The following MED13 variants were observed in gnomAD, a reference collection of about 807,000 sequenced individuals.
The protein encoded by MED13 is mediator complex subunit 13.
MED13 carries 23 observed loss-of-function variants against 225.2 expected under a neutral mutation model. That is an observed-to-expected ratio of 0.10 (90% confidence interval 0.07 to 0.14). MED13 has a LOEUF of 0.14. Among genes scored for constraint, MED13 ranks in the 10% least tolerant of loss-of-function variants. MED13 has a pLI of 1.00. For synonymous variants in MED13, 942 were observed against 889.2 expected (o/e 1.06, Z -1.06); for missense variants, 2,197 against 2,594.5 (o/e 0.85, Z 3.33).
intron 8 of MED13, among the ~76,000 whole-genome samples, chr17:62,015,917 T>C (rs187838158): frequency 0.32 from 1,529 of 4,850 alleles, 121 homozygotes; most frequent in South Asian, 0.49. Context: ...ACTATACACA[T>C]ATATATATAT....
In MED13 at chr17:61,984,769, C is replaced by T; in HGVS notation, c.2573G>A (p.Gly858Asp). ...TCCTCCAGGTGTTGTATCCATACTA[C>T]CATATTCTTTATTATTCATATTCAT... ...SPMNMNNKEY[G>D]SMDTTPGGTV... The change falls in exon 14 of 30, where the codon GGT (glycine) becomes GAT (aspartate). Residue 858 changes from glycine to aspartate, a missense_variant. Gly to Asp is a moderately conservative substitution (Grantham distance 94). This residue lies in a region of MED13 where 160 missense variants were observed against 184.8 expected (regional missense o/e 0.87). Transcript: ENST00000397786. The T allele has an allele frequency of 6.2e-7, 1 of 1,613,340 alleles. No homozygotes were observed. The highest frequency in any genetic ancestry group is 8.5e-7 in the Non-Finnish European group (1 of 1,179,318).
intron 17 of MED13, among the ~76,000 whole-genome samples, chr17:61,972,170 G>A (rs865807835): frequency 9.2e-5 from 14 of 151,934 alleles, no homozygotes; most frequent in African/African-American, 3.1e-4. Context: ...CTCCAATTAC[G>A]GCCCACCTTT....
intron 6 of MED13, chr17:62,030,380 G>C (rs2080743667): frequency 6.2e-6 from 1 of 160,884 alleles, no homozygotes; most frequent in Non-Finnish European, 1.4e-5. Flanking sequence ...ATCAAGGTCA[G>C]AGGCTGGCCA....
At position 62,035,569 on chromosome 17, in the gene MED13, T is replaced by G. The variant is rs2080795311; in HGVS notation, c.510A>C (p.Gly170=). Residue 170 remains glycine (G), a synonymous_variant, in exon 4 of 30, where the codon GGA becomes GGC. Transcript: ENST00000397786. ...CCACACTGGTACAAACATTGCTGTC[T>G]CCATGCAAGAAAAAGGTGAAGGAGC... is the stretch of plus-strand genomic sequence containing the variant. ...LSCSFTFFLH[G]DSNVCTSVEI... The G allele has an allele frequency of 6.2e-7, 1 of 1,613,688 alleles. No individual in the cohort carries two copies. The highest frequency in any genetic ancestry group is 1.7e-4 in the Middle Eastern group (1 of 6,008).
At chr17:61,957,966 G>A (rs2079962961) in intron 23 of MED13, among the ~76,000 whole-genome samples, 2 of 152,032 alleles carry the variant, frequency 1.3e-5, no homozygotes, top group African/African-American at 4.8e-5. Context: ...CTGATTTCAC[G>A]CCATTCTCCT....
rs774440250 is a variant in MED13 at position 62,029,940 on chromosome 17, G to A, written c.1083C>T (p.Ser361=). The A allele has an allele frequency of 6.2e-7, 1 of 1,613,866 alleles. No homozygotes were observed. The highest frequency in any genetic ancestry group is 1.7e-5 in the Admixed American group (1 of 59,930). ...TTCTGGGTATTTTCCCACCATGGTG[G>A]CTAGTACTATCGGAGTTGAAGCCAT... ...VSDGFNSDST[S]HHGGKIPRKL... is the part of the protein sequence containing the mutation. Residue 361 remains serine (S), a synonymous_variant, in exon 7 of 30, where the codon AGC becomes AGT. Coordinates refer to ENST00000397786, the MANE Select transcript of MED13 (RefSeq NM_005121.3).
At chr17:62,027,053 A>C (rs769258142) in intron 8 of MED13, among the ~76,000 whole-genome samples, 7 of 152,306 alleles carry the variant, frequency 4.6e-5, no homozygotes, top group Admixed American at 1.3e-4. Context: ...TCAAACTACC[A>C]ATGACATTCT....
intron 14 of MED13, 54 bp downstream of exon 14, chr17:61,984,597 A>G: frequency 6.9e-7 from 1 of 1,457,528 alleles, no homozygotes; most frequent in Non-Finnish European, 9.3e-7. Context: ...CAACAAATTA[A>G]TTCTATAAGA....
chr17:61,966,661 T>C lies in MED13; in HGVS notation c.4192-10A>G, dbSNP rs1040439052. 1.3e-6 allele frequency: 2 copies of C among 1,547,986 alleles called. No individual in the cohort carries two copies. Among genetic ancestry groups the C allele is most frequent in the Admixed American group, 2.1e-5 (1 of 46,784 alleles). ...GACCTAATCGACAGGACTACAAATATACATACAGAAAGCAGAATTAGTAAA... is the reference window on the plus strand; with the variant it reads ...GACCTAATCGACAGGACTACAAATACACATACAGAAAGCAGAATTAGTAAA... On this transcript the variant is annotated splice_polypyrimidine_tract_variant and intron_variant, in intron 18 of 29. Coordinates refer to ENST00000397786, the MANE Select transcript of MED13 (RefSeq NM_005121.3).
At chr17:61,979,065 A>T (rs1028808707) in intron 16 of MED13, among the ~76,000 whole-genome samples, 3 of 152,206 alleles carry the variant, frequency 2.0e-5, no homozygotes, top group African/African-American at 7.2e-5. Context: ...CAATATTCTC[A>T]ATTTTATGTG....
intron 6 of MED13, chr17:62,030,754 G>A (rs1425964189): frequency 6.6e-6 from 1 of 152,210 alleles, no homozygotes; most frequent in African/African-American, 2.4e-5. Context: ...AAAGGTAGAT[G>A]GAGGGAGGGC....
At chr17:61,954,506 G>C (rs1476395463) in intron 26 of MED13, among the ~76,000 whole-genome samples, 1 of 152,186 alleles carries the variant, frequency 6.6e-6, no homozygotes, top group African/African-American at 2.4e-5. Context: ...GCTGGGCATG[G>C]TGGCTCATGT....
At chr17:61,962,321 T>C (rs895191972) in intron 21 of MED13, among the ~76,000 whole-genome samples, 2 of 152,122 alleles carry the variant, frequency 1.3e-5, no homozygotes, top group Non-Finnish European at 2.9e-5. Flanking sequence ...TAAAATTTTC[T>C]ATATAACAAT....
In MED13 at chr17:61,953,031, A is replaced by G; in HGVS notation, c.6051T>C (p.Ala2017=). Residue 2017 remains alanine (A), a synonymous_variant, in exon 27 of 30, where the codon GCT becomes GCC. Coordinates refer to ENST00000397786, the MANE Select transcript of MED13 (RefSeq NM_005121.3). The part of the protein sequence containing the change: ...LDPDIINILP[A]SPTGSPVHSP... ...AATGTACAGGAGAACCAGTTGGAGAAGCAGGAAGGATATTAATGATATCAG... is the reference window on the plus strand; with the variant it reads ...AATGTACAGGAGAACCAGTTGGAGAGGCAGGAAGGATATTAATGATATCAG... 1 of 1,614,046 alleles carries G rather than the reference A, an allele frequency of 6.2e-7. No homozygotes were observed. The highest frequency in any genetic ancestry group is 8.5e-7 in the Non-Finnish European group (1 of 1,179,864).
chr17:62,015,708 G>A (rs183605265), intron 8 of MED13, among the ~76,000 whole-genome samples: 208 of 146,334 alleles, frequency 1.4e-3, no homozygotes, highest in African/African-American at 5.0e-3. Context: ...CGAGTAGCTG[G>A]GATTACAGGC....
chr17:62,024,964 G>C (rs1296139488), intron 8 of MED13, among the ~76,000 whole-genome samples: 1 of 152,092 alleles, frequency 6.6e-6, no homozygotes, highest in African/African-American at 2.4e-5. Context: ...CCATGTCTTT[G>C]TTATTGTGAA....
chr17:62,019,978 C>T (rs1034195032), intron 8 of MED13, among the ~76,000 whole-genome samples: 1 of 151,892 alleles, frequency 6.6e-6, no homozygotes, highest in Admixed American at 6.6e-5. Flanking sequence ...TCTCCTGACC[C>T]TGTGATCCGC....
At chr17:62,029,820 A>C in intron 7 of MED13, 31 bp downstream of exon 7, 2 of 1,563,652 alleles carry the variant, frequency 1.3e-6, no homozygotes, top group Non-Finnish European at 1.7e-6. Context: ...ATCAACATGC[A>C]ATTTTTGAAC....
intron 10 of MED13, among the ~76,000 whole-genome samples, chr17:61,994,328 C>T (rs1429065888): frequency 1.3e-5 from 2 of 152,086 alleles, no homozygotes; most frequent in African/African-American, 4.8e-5. Context: ...AGACATAATT[C>T]CTGTGTAGCA....
Sources: allele counts gnomAD v4.1 joint callset (sites outside exome capture counted in the v4.1 genomes callset), GRCh38; gene constraint gnomAD v4.1.1; regional missense constraint gnomAD v4.1.1; transcripts MANE v1.5; gene names NCBI Gene and HGNC (gene_info 2026-07-23, HGNC 2026-07-21).